ZNF286A: variants seen among roughly 807,000 people sequenced by gnomAD.
ZNF286A encodes zinc finger protein ZNF286.
Under a neutral mutation model 49.3 loss-of-function variants are expected in ZNF286A, and 34 were observed. The ratio of observed to expected loss-of-function variants is 0.69; its 90% CI spans 0.52 to 0.92. ZNF286A has a LOEUF of 0.92. ZNF286A is among the 40% of genes least tolerant of loss of function. The probability of loss-of-function intolerance (pLI) is 0.00; values close to 1 mark genes in which losing one functional copy is unlikely to be tolerated. For missense variants in ZNF286A, 462 were observed against 600.2 expected (o/e 0.77, Z 2.41); for synonymous variants, 155 against 200.4 (o/e 0.77, Z 1.91).
rs1358758864 is a variant in ZNF286A at position 15,716,639 on chromosome 17, A to C, written c.915A>C (p.Lys305Asn). ...TCTTTGAATGCAGTGAATGCAAGAA[A>C]ACCTTCACAGAAAGCTCATCCCTTG... is the stretch of plus-strand genomic sequence containing the variant. ...RILFECSECK[K>N]TFTESSSLAT... The change falls in exon 6 of 6, where the codon AAA (lysine) becomes AAC (asparagine). Residue 305 changes from lysine (K) to asparagine (N), a missense_variant. Physicochemically the swap from Lys to Asn is moderately conservative, Grantham distance 94. Transcript: ENST00000583566. 1.2e-6 allele frequency: 2 copies of C among 1,614,104 alleles called. No homozygotes were observed. The highest frequency in any genetic ancestry group is 2.2e-5 in the South Asian group (2 of 91,080).
At chr17:15,714,160 G>A (rs1966903871) in intron 5 of ZNF286A, among the ~76,000 whole-genome samples, 1 of 146,742 alleles carries the variant, frequency 6.8e-6, no homozygotes, top group African/African-American at 2.5e-5. Flanking sequence ...TGCTTCCTTA[G>A]ACATTTTTGA....
chr17:15,714,336 A>G (rs552525524), intron 5 of ZNF286A, among the ~76,000 whole-genome samples: 1 of 152,292 alleles, frequency 6.6e-6, no homozygotes, highest in African/African-American at 2.4e-5. Context: ...TGAAAAAGGC[A>G]AATAACATCT....
At chr17:15,708,659 T>A (rs550170480) in intron 5 of ZNF286A, among the ~76,000 whole-genome samples, 1 of 152,234 alleles carries the variant, frequency 6.6e-6, no homozygotes, top group Admixed American at 6.5e-5. Flanking sequence ...TCCTAACTTA[T>A]AGCACCAAGT....
chr17:15,714,037 TG>T (rs1367387832), intron 5 of ZNF286A, among the ~76,000 whole-genome samples: 1 of 152,176 alleles, frequency 6.6e-6, no homozygotes, highest in Non-Finnish European at 1.5e-5. Context: ...TTCCTCAAGA[TG>T]ACCATTGTTC....
chr17:15,701,806 C>T (rs1485770928), intron 3 of ZNF286A, among the ~76,000 whole-genome samples: 2 of 152,142 alleles, frequency 1.3e-5, no homozygotes, highest in Non-Finnish European at 2.9e-5. Context: ...CCCCTCTCTC[C>T]CAAAAGGTAA....
chr17:15,706,613 A>C, intron 4 of ZNF286A, 112 bp downstream of exon 4: 1 of 731,052 alleles, frequency 1.4e-6, no homozygotes, highest in Non-Finnish European at 2.1e-6. Flanking sequence ...AAAAAGTGTT[A>C]ATTCTTTTTG....
intron 5 of ZNF286A, among the ~76,000 whole-genome samples, chr17:15,712,123 T>A (rs1455717280): frequency 6.6e-6 from 1 of 152,190 alleles, no homozygotes. Flanking sequence ...CCGCCCTCCT[T>A]GGCCTCCCAA....
chr17:15,711,114 G>A (rs1488516548), intron 5 of ZNF286A, among the ~76,000 whole-genome samples: 9 of 151,934 alleles, frequency 5.9e-5, no homozygotes, highest in South Asian at 2.1e-4. Flanking sequence ...AGGTTTCACC[G>A]TGTTAGCCAG....
At chr17:15,712,124 G>A (rs1364846551) in intron 5 of ZNF286A, among the ~76,000 whole-genome samples, 2 of 152,124 alleles carry the variant, frequency 1.3e-5, no homozygotes, top group Non-Finnish European at 2.9e-5. Flanking sequence ...CGCCCTCCTT[G>A]GCCTCCCAAA....
At chr17:15,712,415 T>A (rs1990741423) in intron 5 of ZNF286A, among the ~76,000 whole-genome samples, 1 of 152,222 alleles carries the variant, frequency 6.6e-6, no homozygotes, top group Non-Finnish European at 1.5e-5. Flanking sequence ...ACTATTTGAT[T>A]CCTTTGTTTG....
At chr17:15,710,002 A>G in intron 5 of ZNF286A, 1 of 1,344,132 alleles carries the variant, frequency 7.4e-7, no homozygotes, top group East Asian at 2.6e-5. Context: ...ATGATGTTTT[A>G]AAATTTTCAT....
intron 4 of ZNF286A, among the ~76,000 whole-genome samples, chr17:15,707,084 G>A (rs896461777): frequency 6.6e-6 from 1 of 152,134 alleles, no homozygotes; most frequent in African/African-American, 2.4e-5. Context: ...GCATATGATT[G>A]TATGAGGGGT....
rs548394685 is a variant in ZNF286A, at chr17:15,708,746, T to C, written c.334+499T>C. Among the ~76,000 whole-genome samples the C allele has an allele frequency of 1.8e-3, 280 of 152,342 alleles. 2 individuals carry two copies. The highest frequency in any genetic ancestry group is 2.3e-3 in the Non-Finnish European group (154 of 68,032). On this transcript the variant is annotated intron_variant, in intron 5 of 5. Coordinates refer to ENST00000583566, the MANE Select transcript of ZNF286A (RefSeq NM_001130842.2). ...GTGTCTGGCTTCCTTCACTGCACAT[T>C]AGCTGTGAGATACATCTTTGTTGCT...
Position 15,717,367 on chromosome 17 carries a change from A to G in ZNF286A, c.*77A>G, listed in dbSNP as rs1349067975. Reference sequence around the variant, plus strand: ...ACTTGAGTGTTTAGGTGGAAGGCGCATCCATAATATGCATGTGAGGACCAA... The same window carrying G: ...ACTTGAGTGTTTAGGTGGAAGGCGCGTCCATAATATGCATGTGAGGACCAA... On this transcript the variant is annotated 3_prime_UTR_variant, in exon 6 of 6. Coordinates refer to ENST00000583566, the MANE Select transcript of ZNF286A (RefSeq NM_001130842.2). 1.4e-6 allele frequency: 2 copies of G among 1,399,866 alleles called. No homozygotes were observed. Among genetic ancestry groups the G allele is most frequent in the Non-Finnish European group, 1.9e-6 (2 of 1,039,044 alleles). 86.7% of individuals were successfully genotyped at this position (1,399,866 alleles called of 1,614,324 possible).
chr17:15,704,990 G>T, intron 3 of ZNF286A: 1 of 1,027,724 alleles, frequency 9.7e-7, no homozygotes, highest in Non-Finnish European at 1.4e-6. Context: ...TGCTGCCGCT[G>T]CGGCCCTGGA....
At chr17:15,705,550 CAGTT>C (rs1430717102) in intron 3 of ZNF286A, among the ~76,000 whole-genome samples, 1 of 151,916 alleles carries the variant, frequency 6.6e-6, no homozygotes. Flanking sequence ...TATATTTTCT[CAGTT>C]ATTATAAATT....
At position 15,717,458 on chromosome 17, in the gene ZNF286A, C is replaced by T. The variant is rs529306482; in HGVS notation, c.*168C>T. On this transcript the variant is annotated 3_prime_UTR_variant, in exon 6 of 6. Coordinates refer to ENST00000583566, the MANE Select transcript of ZNF286A (RefSeq NM_001130842.2). ...TGAGCCATAAGCAGGTTCTTTATGT[C>T]CGTTAATTTGATAATTATGAAATCT... 361 of 1,185,008 alleles carry T rather than the reference C, an allele frequency of 3.0e-4. No homozygotes were observed. In the African/African-American group the frequency reaches 5.2e-3, roughly 17 times the overall value. 73.4% of individuals were successfully genotyped at this position (1,185,008 alleles called of 1,614,324 possible). A position where few individuals can be genotyped will look rare whatever the true frequency, so the allele number is the denominator to read the frequency against.
chr17:15,715,210 C>A (rs1315436798), intron 5 of ZNF286A, among the ~76,000 whole-genome samples: 1 of 151,284 alleles, frequency 6.6e-6, no homozygotes, highest in Non-Finnish European at 1.5e-5. Context: ...TCCATTTATC[C>A]TTTTTTTATT....
intron 5 of ZNF286A, among the ~76,000 whole-genome samples, chr17:15,712,572 GCA>G (rs1430108546): frequency 1.3e-5 from 2 of 152,132 alleles, no homozygotes; most frequent in Non-Finnish European, 2.9e-5. Flanking sequence ...GGAAATCTAC[GCA>G]CAGTCTTTAC....
Sources: gnomAD v4.1 joint callset for allele counts (sites outside exome capture counted in the v4.1 genomes callset) on GRCh38, gnomAD v4.1.1 for gene constraint, MANE v1.5 for transcripts, NCBI Gene and HGNC (gene_info 2026-07-23, HGNC 2026-07-21) for gene names.